Variants in INTS3 observed in about 807,000 individuals in gnomAD.
The protein encoded by INTS3 is SOSS complex subunit A.
A neutral mutation model predicts 146.3 loss-of-function variants in INTS3; 34 were observed. The ratio of observed to expected loss-of-function variants is 0.23; its 90% CI spans 0.18 to 0.31. The LOEUF (loss-of-function observed/expected upper bound fraction) is 0.31, where lower values mean the gene tolerates loss of function less well. Ranked by LOEUF, INTS3 falls within the 10% of genes least tolerant of loss-of-function variation. The probability of loss-of-function intolerance (pLI) is 1.00; values close to 1 mark genes in which losing one functional copy is unlikely to be tolerated. For synonymous variants in INTS3, 475 were observed against 494.9 expected (o/e 0.96, Z 0.53); for missense variants, 757 against 1,304.2 (o/e 0.58, Z 6.46).
chr1:153,763,682 A>G, intron 16 of INTS3, 150 bp from the exon 17 acceptor site: 1 of 729,630 alleles, frequency 1.4e-6, no homozygotes, highest in Non-Finnish European at 2.3e-6. Context: ...ATTCTGCCCT[A>G]AAGCCTCCCC....
chr1:153,767,111 T>C (rs1437913271), intron 20 of INTS3: 2 of 152,286 alleles, frequency 1.3e-5, no homozygotes, highest in Non-Finnish European at 2.9e-5. Flanking sequence ...TATTTTTTCT[T>C]CCATTCTGCG....
intron 1 of INTS3, among the ~76,000 whole-genome samples, chr1:153,734,963 A>G (rs1404389845): frequency 6.6e-6 from 1 of 152,010 alleles, no homozygotes; most frequent in Non-Finnish European, 1.5e-5. Flanking sequence ...CGCAAATTGA[A>G]TAGTTTTTGT....
intron 6 of INTS3, 126 bp downstream of exon 6, chr1:153,748,881 G>A: frequency 3.9e-6 from 3 of 767,482 alleles, no homozygotes; most frequent in Non-Finnish European, 7.0e-6. Context: ...GGGAGGCAAG[G>A]AGAGGGAGAG....
At chr1:153,737,344 A>G (rs1671334980) in intron 1 of INTS3, among the ~76,000 whole-genome samples, 1 of 152,232 alleles carries the variant, frequency 6.6e-6, no homozygotes, top group South Asian at 2.1e-4. Flanking sequence ...TACGAGTCGC[A>G]TTTTGTCAGT....
intron 1 of INTS3, among the ~76,000 whole-genome samples, chr1:153,733,759 C>G (rs1375070217): frequency 6.6e-6 from 1 of 151,796 alleles, no homozygotes; most frequent in African/African-American, 2.4e-5. Context: ...TGTGCGCCAC[C>G]ACACCCGGCT....
In INTS3 at chr1:153,772,020, CGGTGGTGGTGGTGGT is replaced by C. The variant is rs58166068; in HGVS notation, c.2720+74_2720+88del. The C allele has an allele frequency of 6.4e-4, 756 of 1,182,558 alleles. 7 individuals are homozygous for C. The African/African-American group carries it at 9.9e-3, about 15-fold the overall frequency. The allele number at this position is 1,182,558 out of a possible 1,614,324, so 73.3% of individuals were successfully genotyped here. A position where few individuals can be genotyped will look rare whatever the true frequency, so the allele number is the denominator to read the frequency against. On this transcript the variant is annotated intron_variant, in intron 26 of 29. Coordinates refer to ENST00000318967, the MANE Select transcript of INTS3 (RefSeq NM_023015.5). The surrounding 1 kb of genome is among the most constrained non-coding windows in gnomAD (Gnocchi z 4.6). ...CATGGCGGTCTGCAGTGATTGCTGT[CGGTGGTGGTGGTGGT>C]GGTGGTGGTGGTGGTGATGGGGGTC...
rs769211204 is a variant in INTS3, at chr1:153,749,261, C to A, written c.584+506C>A. Among the ~76,000 whole-genome samples, 9 of 152,214 alleles carry A rather than the reference C, an allele frequency of 5.9e-5. No individual in the cohort carries two copies. In the South Asian group the frequency reaches 8.3e-4, roughly 14 times the overall value. Reference sequence around the variant, plus strand: ...GAGGTTCCAGTGGTAGAGGGTGCATCAGGGGGTACATATTGGGCTTTCTGG... The same window carrying A: ...GAGGTTCCAGTGGTAGAGGGTGCATAAGGGGGTACATATTGGGCTTTCTGG... On this transcript the variant is annotated intron_variant, in intron 6 of 29. Transcript: ENST00000318967.
At chr1:153,761,753 C>A (rs1338127055) in intron 14 of INTS3, 77 bp downstream of exon 14, 12 of 876,114 alleles carry the variant, frequency 1.4e-5, no homozygotes, top group Non-Finnish European at 2.3e-5. Context: ...GAGCCCCTTT[C>A]AGGATGTCCC....
intron 1 of INTS3, among the ~76,000 whole-genome samples, chr1:153,737,970 A>G (rs1348389882): frequency 1.3e-5 from 2 of 152,242 alleles, no homozygotes; most frequent in Non-Finnish European, 2.9e-5. Flanking sequence ...GTAGATAGCA[A>G]TCTTGTTTTA....
rs765336935 is a variant in INTS3, at chr1:153,768,977, T to C, written c.2313+16T>C. 1 of 1,600,656 alleles carries C rather than the reference T, an allele frequency of 6.2e-7. No homozygotes were observed. Among genetic ancestry groups the C allele is most frequent in the Admixed American group, 1.7e-5 (1 of 60,002 alleles). ...CTCTGCACAGGTGAACATTGAGCTC[T>C]GACCTCCCCAGAAGATCTGGGAGGC... is the stretch of plus-strand genomic sequence containing the variant. On this transcript the variant is annotated intron_variant, in intron 22 of 29. Transcript: ENST00000318967.
At chr1:153,745,145 C>T (rs997298238) in intron 3 of INTS3, among the ~76,000 whole-genome samples, 6 of 145,970 alleles carry the variant, frequency 4.1e-5, no homozygotes, top group Non-Finnish European at 5.9e-5. Context: ...TATAGTATAA[C>T]AACATCCTTG....
intron 29 of INTS3, 21 bp downstream of exon 29, chr1:153,773,102 C>T (rs775028553): frequency 1.2e-5 from 20 of 1,614,110 alleles, no homozygotes; most frequent in Non-Finnish European, 1.6e-5. Flanking sequence ...AGCCAGTGCA[C>T]AGGGGGAAAA....
chr1:153,729,031 G>A lies in INTS3; in HGVS notation c.150+247G>A, dbSNP rs547655010. The stretch of plus-strand genomic sequence containing the variant: ...GGGTGGGGGGTGTTGGTGAAGGAAG[G>A]GATACAACATCCAGGTTTACCGAAT... On this transcript the variant is annotated intron_variant, in intron 1 of 29. Transcript: ENST00000318967. Among the ~76,000 whole-genome samples the A allele has an allele frequency of 5.3e-5, 8 of 152,192 alleles. No homozygotes were observed. The South Asian group carries it at 1.7e-3, about 32-fold the overall frequency.
rs1671786979 is a variant in INTS3 at position 153,747,343 on chromosome 1, C to T, written c.497C>T (p.Thr166Met). The change falls in exon 5 of 30, where the codon ACG becomes ATG. Residue 166 changes from threonine to methionine, a missense_variant. Transcript: ENST00000318967. ...CTGGGAGCCGATGGTGTTTGTATGA[C>T]GTTTATGAAGCAGATTGCAGGTGAG... ...GVLGADGVCM[T>M]FMKQIAGGDV... is the part of the protein sequence containing the mutation. The T allele has an allele frequency of 4.3e-6, 7 of 1,613,820 alleles. No individual in the cohort carries two copies. Among genetic ancestry groups the T allele is most frequent in the South Asian group, 1.1e-5 (1 of 91,072 alleles).
intron 1 of INTS3, among the ~76,000 whole-genome samples, chr1:153,735,374 T>G (rs1233253001): frequency 6.6e-6 from 1 of 152,220 alleles, no homozygotes; most frequent in African/African-American, 2.4e-5. Context: ...AGGCATTATC[T>G]CTGTTTTGAG....
chr1:153,772,276 G>C lies in INTS3; in HGVS notation c.2721-64G>C, dbSNP rs1345968597. ...TGTCTTAAGGGGGCCCTGGCGGGTG[G>C]AGGGTGTCTCGCACTCTGGAACCCT... On this transcript the variant is annotated intron_variant, in intron 26 of 29. Transcript: ENST00000318967. This position sits in a 1 kb window ranked among gnomAD's most constrained non-coding sequence, Gnocchi z 4.6. 1 of 1,562,130 alleles carries C rather than the reference G, an allele frequency of 6.4e-7. No individual in the cohort carries two copies. Among genetic ancestry groups the C allele is most frequent in the Non-Finnish European group, 8.7e-7 (1 of 1,145,482 alleles).
intron 1 of INTS3, among the ~76,000 whole-genome samples, chr1:153,731,488 A>G (rs1276814216): frequency 1.3e-5 from 2 of 151,978 alleles, no homozygotes; most frequent in Non-Finnish European, 2.9e-5. Context: ...TCCTAATCTC[A>G]TGAGCCTTGG....
At chr1:153,738,118 A>G (rs1570838010) in intron 1 of INTS3, among the ~76,000 whole-genome samples, 1 of 152,218 alleles carries the variant, frequency 6.6e-6, no homozygotes, top group South Asian at 2.1e-4. Flanking sequence ...AACTAAAAAC[A>G]TTAACAATAA....
intron 1 of INTS3, among the ~76,000 whole-genome samples, chr1:153,737,804 T>C (rs1333476947): frequency 6.6e-6 from 1 of 152,084 alleles, no homozygotes; most frequent in African/African-American, 2.4e-5. Context: ...CGACCCCTGG[T>C]AGGTTTTCAT....
Sources: allele counts gnomAD v4.1 joint callset (sites outside exome capture counted in the v4.1 genomes callset), GRCh38; gene constraint gnomAD v4.1.1; non-coding constraint Gnocchi (gnomAD v3.1); transcripts MANE v1.5; gene names NCBI Gene and HGNC (gene_info 2026-07-23, HGNC 2026-07-21).